GAS7: variants seen among roughly 807,000 people sequenced by gnomAD.
GAS7 encodes the protein growth arrest specific 7.
Under a neutral mutation model 71.1 loss-of-function variants are expected in GAS7, and 28 were observed. That is an observed-to-expected ratio of 0.39 (90% CI 0.29 to 0.54). The LOEUF (loss-of-function observed/expected upper bound fraction) is 0.54, where lower values mean the gene tolerates loss of function less well. GAS7 is among the 20% of genes least tolerant of loss of function. GAS7 has a pLI of 0.62. For synonymous variants in GAS7, 258 were observed against 245.8 expected, an observed-to-expected ratio of 1.05 and a Z score of -0.46; for missense variants, 436 against 627.8, an observed-to-expected ratio of 0.69 and a Z score of 3.27.
At chr17:10,037,200 C>T (rs1456724487) in intron 1 of GAS7, among the ~76,000 whole-genome samples, 2 of 152,314 alleles carry the variant, frequency 1.3e-5, no homozygotes, top group East Asian at 1.9e-4. Flanking sequence ...GAGGTCTCCA[C>T]TGAAAGGGGC....
chr17:9,954,273 T>TGAGCTGA (rs907941333), intron 5 of GAS7, among the ~76,000 whole-genome samples: 3 of 152,144 alleles, frequency 2.0e-5, no homozygotes, highest in African/African-American at 7.2e-5. Context: ...TAGACAAGAC[T>TGAGCTGA]GAGCTGAGAG....
rs188773095 is a variant in GAS7, at chr17:9,930,008, G to C, written c.886-3239C>G. 4.0e-3 allele frequency among the ~76,000 whole-genome samples: 613 copies of C among 152,288 alleles called. 4 individuals carry two copies. The highest frequency in any genetic ancestry group is 0.014 in the African/African-American group (587 of 41,566). On this transcript the variant is annotated intron_variant, in intron 9 of 13. Transcript: ENST00000432992. ...TCTCACACATCAGAAGAGAATAAGA[G>C]AAGTTCCAAGTTGGTAGGAATTTCA...
intron 1 of GAS7, among the ~76,000 whole-genome samples, chr17:10,058,560 G>A (rs564583756): frequency 2.0e-5 from 3 of 152,278 alleles, no homozygotes; most frequent in African/African-American, 7.2e-5. Flanking sequence ...CTGATCAGAG[G>A]AGCCGTCTGA....
At chr17:10,174,273 A>AATCAC (rs1338181894) in intron 1 of GAS7, among the ~76,000 whole-genome samples, 1 of 152,214 alleles carries the variant, frequency 6.6e-6, no homozygotes, top group Non-Finnish European at 1.5e-5. Flanking sequence ...AACACATGTT[A>AATCAC]ATCACATTTG....
chr17:9,991,560 C>T (rs150619330), intron 2 of GAS7, among the ~76,000 whole-genome samples: 3 of 152,190 alleles, frequency 2.0e-5, no homozygotes, highest in African/African-American at 7.2e-5. Context: ...AAGAGCAGGG[C>T]CAGGAATCCA....
intron 5 of GAS7, among the ~76,000 whole-genome samples, chr17:9,948,736 C>T (rs1053855135): frequency 5.3e-5 from 8 of 151,986 alleles, no homozygotes; most frequent in Admixed American, 2.0e-4. Flanking sequence ...AGCTAAGGAG[C>T]GTGAAGTACA....
At chr17:10,184,358 A>AT (rs2074437299) in intron 1 of GAS7, among the ~76,000 whole-genome samples, 1 of 152,220 alleles carries the variant, frequency 6.6e-6, no homozygotes, top group Non-Finnish European at 1.5e-5. Flanking sequence ...ACCAGCCACC[A>AT]TATCTCTGTC....
chr17:10,153,684 A>G (rs1235407418), intron 1 of GAS7, among the ~76,000 whole-genome samples: 1 of 152,180 alleles, frequency 6.6e-6, no homozygotes, highest in Non-Finnish European at 1.5e-5. Context: ...TACTTTTCCT[A>G]TTTTATGAAA....
In GAS7 at chr17:9,999,346, C is replaced by T. The variant is rs536711105; in HGVS notation, c.305-17462G>A. On this transcript the variant is annotated intron_variant, in intron 2 of 13. Transcript: ENST00000432992. ...CAGCCTGGCCAACATGGTGAAACCC[C>T]GTCTCTACTAAAAATACAAAAATTA... Among the ~76,000 whole-genome samples the T allele has an allele frequency of 5.9e-5, 9 of 152,092 alleles. No individual in the cohort carries two copies. The East Asian group carries it at 1.2e-3, about 20-fold the overall frequency.
intron 1 of GAS7, among the ~76,000 whole-genome samples, chr17:10,192,243 C>T (rs1364098095): frequency 2.0e-5 from 3 of 152,196 alleles, no homozygotes; most frequent in African/African-American, 7.2e-5. Context: ...CTCGCCATTG[C>T]AGGGAGACAG....
chr17:10,174,689 A>C (rs12945871), intron 1 of GAS7, among the ~76,000 whole-genome samples: 27 of 151,960 alleles, frequency 1.8e-4, no homozygotes, highest in Admixed American at 1.2e-3. Flanking sequence ...GAGACTCCGT[A>C]TCAAAAAAAA....
intron 9 of GAS7, among the ~76,000 whole-genome samples, chr17:9,928,174 G>A (rs1046055232): frequency 2.6e-5 from 4 of 151,492 alleles, no homozygotes; most frequent in Non-Finnish European, 4.4e-5. Flanking sequence ...GTGCAGCGAC[G>A]CGATCTCGGC....
At chr17:9,928,214 G>A (rs1472116133) in intron 9 of GAS7, among the ~76,000 whole-genome samples, 2 of 151,200 alleles carry the variant, frequency 1.3e-5, no homozygotes, top group Admixed American at 1.3e-4. Context: ...CCAGGTTCAC[G>A]CCATTCTCCT....
At position 9,916,457 on chromosome 17, in the gene GAS7, G is replaced by A. The variant is rs2067584871; in HGVS notation, c.*771C>T. The A allele has an allele frequency of 4.3e-6, 1 of 234,306 alleles. No individual in the cohort carries two copies. The highest frequency in any genetic ancestry group is 8.4e-6 in the Non-Finnish European group (1 of 118,432). 14.5% of individuals were successfully genotyped at this position (234,306 alleles called of 1,614,324 possible). ...AATGAGACTGGGAAGGGCTGGCAGG[G>A]TGGGGGCAGGGGCCTCCCCGAGGAA... On this transcript the variant is annotated 3_prime_UTR_variant, in exon 14 of 14. Transcript: ENST00000432992.
intron 1 of GAS7, among the ~76,000 whole-genome samples, chr17:10,067,895 T>C (rs1169029840): frequency 2.0e-5 from 3 of 152,198 alleles, no homozygotes; most frequent in East Asian, 1.9e-4. Flanking sequence ...AAAGTTGATA[T>C]CAACATTCCT....
In GAS7 at chr17:9,926,609, C is replaced by T. The variant is rs368260612; in HGVS notation, c.1014+32G>A. The T allele has an allele frequency of 1.2e-6, 2 of 1,609,398 alleles. No homozygotes were observed. The highest frequency in any genetic ancestry group is 1.7e-5 in the Admixed American group (1 of 60,020). On this transcript the variant is annotated intron_variant, in intron 10 of 13. Coordinates refer to ENST00000432992, the MANE Select transcript of GAS7 (RefSeq NM_201433.2). The surrounding 1 kb of genome is among the most constrained non-coding windows in gnomAD (Gnocchi z 5.0). ...CTTCTTCCAGGCAGTCCCCCATGCACCTGCCCTGGCCCAGCGTCCTGGGCC... is the reference window on the plus strand; with the variant it reads ...CTTCTTCCAGGCAGTCCCCCATGCATCTGCCCTGGCCCAGCGTCCTGGGCC...
intron 1 of GAS7, among the ~76,000 whole-genome samples, chr17:10,162,752 G>A (rs569186364): frequency 2.0e-5 from 3 of 152,286 alleles, no homozygotes; most frequent in African/African-American, 7.2e-5. Flanking sequence ...ATCACACGAG[G>A]GGAAGTATAT....
At position 9,919,404 on chromosome 17, in the gene GAS7, A is replaced by G. The variant is rs1597441508; in HGVS notation, c.1218+222T>C. Among the ~76,000 whole-genome samples the G allele has an allele frequency of 6.6e-6, 1 of 152,104 alleles. No homozygotes were observed. Among genetic ancestry groups the G allele is most frequent in the African/African-American group, 2.4e-5 (1 of 41,414 alleles). ...CCCAAGAAGGATGTAGCCATATCCAACCCAACCCTGCCCACATCCACACAG... is the reference window on the plus strand; with the variant it reads ...CCCAAGAAGGATGTAGCCATATCCAGCCCAACCCTGCCCACATCCACACAG... On this transcript the variant is annotated intron_variant, in intron 12 of 13. Coordinates refer to ENST00000432992, the MANE Select transcript of GAS7 (RefSeq NM_201433.2). This position sits in a 1 kb window ranked among gnomAD's most constrained non-coding sequence, Gnocchi z 5.0.
intron 1 of GAS7, among the ~76,000 whole-genome samples, chr17:10,137,893 A>G (rs1394113799): frequency 6.6e-6 from 1 of 151,962 alleles, no homozygotes; most frequent in African/African-American, 2.4e-5. Flanking sequence ...GAGGGAAAGG[A>G]AAGAGTTTTT....
Sources: allele counts gnomAD v4.1 joint callset (sites outside exome capture counted in the v4.1 genomes callset), GRCh38; gene constraint gnomAD v4.1.1; non-coding constraint Gnocchi (gnomAD v3.1); transcripts MANE v1.5; gene names NCBI Gene and HGNC (gene_info 2026-07-23, HGNC 2026-07-21).